Variants in WNT10A observed in about 807,000 individuals in gnomAD.
WNT10A encodes protein Wnt-10a.
Under a neutral mutation model 36.1 loss-of-function variants are expected in WNT10A, and 37 were observed. The ratio of observed to expected loss-of-function variants is 1.02; its 90% CI spans 0.79 to 1.35. The LOEUF is 1.35. Ranked by LOEUF, WNT10A falls within the 40% of genes most tolerant of loss-of-function variation. WNT10A has a pLI of 0.00. For synonymous variants in WNT10A, 255 were observed against 254.1 expected (o/e 1.00, Z -0.03); for missense variants, 613 against 601.4 (o/e 1.02, Z -0.20).
chr2:218,880,809 G>T (rs575897591), upstream of WNT10A: 11 of 533,494 alleles, frequency 2.1e-5, no homozygotes, highest in East Asian at 3.9e-4. The surrounding 1 kb of genome is among the most constrained non-coding windows in gnomAD (Gnocchi z 7.7). Context: ...CCCCGAGGGC[G>T]GTGCCCGGGG....
Position 218,893,398 on chromosome 2 carries a change from A to G in WNT10A, c.*127A>G. 7.5e-7 allele frequency: 1 copy of G among 1,330,714 alleles called. No individual in the cohort carries two copies. Among genetic ancestry groups the G allele is most frequent in the Non-Finnish European group, 1.0e-6 (1 of 999,084 alleles). The allele number at this position is 1,330,714 out of a possible 1,614,324, so 82.4% of individuals were successfully genotyped here. ...AGAGGAGATTGGACCACATGATCTT[A>G]TAGGAACCCCTCAGCTCTGAGGTCT... On this transcript the variant is annotated 3_prime_UTR_variant, in exon 4 of 4. Transcript: ENST00000258411. This position sits in a 1 kb window ranked among gnomAD's most constrained non-coding sequence, Gnocchi z 6.3.
chr2:218,886,970 A>G lies in WNT10A; in HGVS notation c.377-3014A>G, dbSNP rs558109149. Among the ~76,000 whole-genome samples the G allele has an allele frequency of 3.8e-3, 584 of 152,266 alleles. 3 individuals are homozygous for G. Among genetic ancestry groups the G allele is most frequent in the Middle Eastern group, 6.8e-3 (2 of 294 alleles). On this transcript the variant is annotated intron_variant, in intron 2 of 3. Transcript: ENST00000258411. ...CTGCCGCGGTGGGGTACGTTTCTCC[A>G]GTTTCCCCAGGCTTACCCTTAAATG...
chr2:218,893,129 G>T lies in WNT10A; in HGVS notation c.1112G>T (p.Gly371Val). The T allele has an allele frequency of 6.3e-7, 1 of 1,593,858 alleles. No individual in the cohort carries two copies. Among genetic ancestry groups the T allele is most frequent in the Non-Finnish European group, 8.5e-7 (1 of 1,177,656 alleles). Residue 371 changes from glycine (G) to valine (V), a missense_variant, in exon 4 of 4, where the codon GGC becomes GTC. By Grantham distance (109) the Gly-to-Val change is moderately radical (BLOSUM62 -3). Transcript: ENST00000258411. The surrounding 1 kb of genome is among the most constrained non-coding windows in gnomAD (Gnocchi z 6.3). Reference sequence around the variant, plus strand: ...AACAAGAGCAGCGCCGGCTCGGATGGCTGCGGCAGCATGTGCTGCGGCCGC... The same window carrying T: ...AACAAGAGCAGCGCCGGCTCGGATGTCTGCGGCAGCATGTGCTGCGGCCGC... ...LCNKSSAGSD[G>V]CGSMCCGRGH...
At chr2:218,887,743 GGAGT>G (rs1200658068) in intron 2 of WNT10A, among the ~76,000 whole-genome samples, 1 of 152,244 alleles carries the variant, frequency 6.6e-6, no homozygotes, top group Non-Finnish European at 1.5e-5. Flanking sequence ...AAATGCAGCA[GGAGT>G]GAGTGAGGTC....
At chr2:218,883,003 C>G (rs1273264291) in intron 2 of WNT10A, among the ~76,000 whole-genome samples, 2 of 152,198 alleles carry the variant, frequency 1.3e-5, no homozygotes, top group African/African-American at 4.8e-5. Flanking sequence ...TGCAGTGGCT[C>G]CTGCCAGCAG....
Position 218,893,606 on chromosome 2 carries a change from T to G in WNT10A, c.*335T>G. The stretch of plus-strand genomic sequence containing the variant: ...CAGTCTGTCTCCATCCTTTCACCCC[T>G]TCCCTGGAGATGGGAGGTGGGGAAT... On this transcript the variant is annotated 3_prime_UTR_variant, in exon 4 of 4. Coordinates refer to ENST00000258411, the MANE Select transcript of WNT10A (RefSeq NM_025216.3). The surrounding 1 kb of genome is among the most constrained non-coding windows in gnomAD (Gnocchi z 6.3). 1.4e-4 allele frequency: 38 copies of G among 276,840 alleles called. No individual in the cohort carries two copies. The highest frequency in any genetic ancestry group is 3.7e-4 in the East Asian group (6 of 16,210). 17.1% of individuals were successfully genotyped at this position (276,840 alleles called of 1,614,324 possible).
At chr2:218,892,406 C>T (rs1363001414) in intron 3 of WNT10A, among the ~76,000 whole-genome samples, 1 of 151,662 alleles carries the variant, frequency 6.6e-6, no homozygotes, top group East Asian at 1.9e-4. Context: ...CTGCTCCTGG[C>T]CCCTACCCCA....
At position 218,893,040 on chromosome 2, in the gene WNT10A, G is replaced by C. The variant is rs772468324; in HGVS notation, c.1023G>C (p.Lys341Asn). ...ASPADLVYFE[K>N]SPDFCEREPR... ...CCGCCGACCTGGTCTACTTCGAAAA[G>C]TCTCCCGACTTCTGCGAGCGCGAGC... The change falls in exon 4 of 4, where the codon AAG becomes AAC. Residue 341 changes from lysine to asparagine, a missense_variant. Transcript: ENST00000258411. This position sits in a 1 kb window ranked among gnomAD's most constrained non-coding sequence, Gnocchi z 6.3. The C allele has an allele frequency of 1.3e-6, 2 of 1,595,870 alleles. No individual in the cohort carries two copies. The highest frequency in any genetic ancestry group is 2.2e-5 in the South Asian group (2 of 90,948).
intron 3 of WNT10A, among the ~76,000 whole-genome samples, chr2:218,892,330 CA>C: frequency 6.6e-6 from 1 of 150,602 alleles, no homozygotes; most frequent in Non-Finnish European, 1.5e-5. Context: ...CACACACACA[CA>C]CACACACACA....
At chr2:218,892,023 T>C (rs1011183946) in intron 3 of WNT10A, among the ~76,000 whole-genome samples, 1 of 152,006 alleles carries the variant, frequency 6.6e-6, no homozygotes, top group East Asian at 1.9e-4. Context: ...CCTGAGACCT[T>C]CTCCACTTTC....
At chr2:218,891,417 C>T (rs1944649432) in intron 3 of WNT10A, among the ~76,000 whole-genome samples, 1 of 152,196 alleles carries the variant, frequency 6.6e-6, no homozygotes, top group South Asian at 2.1e-4. Context: ...CTCCATCTCA[C>T]TCTTCTTTCT....
intron 3 of WNT10A, 116 bp downstream of exon 3, chr2:218,890,479 C>A: frequency 1.4e-6 from 2 of 1,440,094 alleles, no homozygotes; most frequent in Non-Finnish European, 1.9e-6. Context: ...CCTTGGCAAT[C>A]TTCTCGTTGA....
chr2:218,875,945 G>A (rs1315575448), upstream of WNT10A, among the ~76,000 whole-genome samples: 1 of 152,206 alleles, frequency 6.6e-6, no homozygotes, highest in African/African-American at 2.4e-5. Flanking sequence ...CCAGAGGTTA[G>A]TCTGAATTCA....
intron 3 of WNT10A, among the ~76,000 whole-genome samples, chr2:218,892,476 C>G (rs1159301721): frequency 6.6e-6 from 1 of 152,088 alleles, no homozygotes; most frequent in Non-Finnish European, 1.5e-5. Flanking sequence ...GAAGCAAGAG[C>G]CTCCAGCCCC....
chr2:218,886,962 G>A (rs766887503), intron 2 of WNT10A, among the ~76,000 whole-genome samples: 8 of 152,312 alleles, frequency 5.3e-5, no homozygotes, highest in East Asian at 3.9e-4. Flanking sequence ...GGTGGGGTAC[G>A]TTTCTCCAGT....
intron 2 of WNT10A, among the ~76,000 whole-genome samples, chr2:218,882,633 T>C (rs1944532147): frequency 6.6e-6 from 1 of 152,198 alleles, no homozygotes; most frequent in South Asian, 2.1e-4. Flanking sequence ...CTGGGCTGTG[T>C]AGGCTGAGGG....
chr2:218,875,159 C>CCTTTT, the WNT10A span, among the ~76,000 whole-genome samples: 1 of 36,864 alleles, frequency 2.7e-5, no homozygotes, highest in East Asian at 1.0e-3. Context: ...GACTGACTTT[C>CCTTTT]TTTTTTTTTT....
chr2:218,876,638 A>G (rs1358448287), upstream of WNT10A, among the ~76,000 whole-genome samples: 5 of 152,198 alleles, frequency 3.3e-5, no homozygotes, highest in Non-Finnish European at 5.9e-5. Flanking sequence ...AGACAGTGGA[A>G]ATACATTATG....
chr2:218,892,583 GAGAGGC>G (rs569060678), intron 3 of WNT10A, among the ~76,000 whole-genome samples, 185 bp from the exon 4 acceptor site: 13 of 152,206 alleles, frequency 8.5e-5, no homozygotes, highest in East Asian at 1.9e-4. Context: ...AGGTGGGTGG[GAGAGGC>G]AGAGGCAGAG....
Sources: gnomAD v4.1 joint callset for allele counts (sites outside exome capture counted in the v4.1 genomes callset) on GRCh38, gnomAD v4.1.1 for gene constraint, Gnocchi (gnomAD v3.1) non-coding constraint, MANE v1.5 for transcripts, NCBI Gene and HGNC (gene_info 2026-07-23, HGNC 2026-07-21) for gene names.